SGK1: variants seen among roughly 807,000 people sequenced by gnomAD.
SGK1 encodes the protein serum/glucocorticoid regulated kinase 1.
Under a neutral mutation model 64.2 loss-of-function variants are expected in SGK1, and 26 were observed. The observed-to-expected ratio is 0.40, with a 90% CI of 0.30 to 0.56. The LOEUF (loss-of-function observed/expected upper bound fraction) is 0.56. Ranked by LOEUF, SGK1 falls within the 20% of genes least tolerant of loss-of-function variation. SGK1 has a pLI of 0.38. For synonymous variants in SGK1, 265 were observed against 239.7 expected (o/e 1.11, Z -0.98); for missense variants, 519 against 645.6 (o/e 0.80, Z 2.12).
intron 3 of SGK1, chr6:134,178,037 C>T (rs1029349486): frequency 1.8e-5 from 10 of 552,942 alleles, no homozygotes; most frequent in Non-Finnish European, 3.2e-5. Flanking sequence ...ACTGATTATC[C>T]TCACAAATCA....
intron 3 of SGK1, among the ~76,000 whole-genome samples, chr6:134,189,328 C>T (rs561201693): frequency 6.6e-6 from 1 of 151,748 alleles, no homozygotes; most frequent in Admixed American, 6.6e-5. Context: ...ACAGAAGATA[C>T]AAATGGAATC....
intron 2 of SGK1, among the ~76,000 whole-genome samples, chr6:134,213,724 G>T (rs1037384925): frequency 6.6e-6 from 1 of 152,098 alleles, no homozygotes; most frequent in African/African-American, 2.4e-5. Context: ...AGCGCCTGGA[G>T]TTTGGCTCCT....
chr6:134,182,494 TAA>T (rs755543891), intron 3 of SGK1, among the ~76,000 whole-genome samples: 16 of 136,654 alleles, frequency 1.2e-4, no homozygotes, highest in Admixed American at 3.0e-4. Context: ...AGACTCCGTC[TAA>T]AAAAAAAAAA....
In SGK1 at chr6:134,170,399, A is replaced by G; in HGVS notation, c.1450T>C (p.Phe484Leu). ...PNDLRHFDPEFTEEPVPNSIG... is the reference protein window; with the variant it reads ...PNDLRHFDPELTEEPVPNSIG... ...GAGTTGGGGACAGGCTCTTCGGTAA[A>G]CTCGGGGTCAAAGTGCCGTAGGTCG... The change falls in exon 14 of 14, where the codon TTT (phenylalanine) becomes CTT (leucine). Residue 484 changes from phenylalanine (F) to leucine (L), a missense_variant. This residue lies in a region of SGK1 where 278 missense variants were observed against 408.7 expected (regional missense o/e 0.68). Coordinates refer to ENST00000367858, the MANE Select transcript of SGK1 (RefSeq NM_001143676.3). The G allele has an allele frequency of 6.2e-7, 1 of 1,613,756 alleles. No individual in the cohort carries two copies. The highest frequency in any genetic ancestry group is 8.5e-7 in the Non-Finnish European group (1 of 1,179,796).
intron 13 of SGK1, 68 bp downstream of exon 13, chr6:134,170,758 A>G: frequency 1.9e-6 from 2 of 1,053,088 alleles, no homozygotes; most frequent in South Asian, 2.8e-5. Context: ...ACCCTCCCCC[A>G]GACAATTCTG....
intron 1 of SGK1, among the ~76,000 whole-genome samples, chr6:134,289,138 A>C (rs1167518732): frequency 1.3e-5 from 2 of 152,206 alleles, no homozygotes; most frequent in African/African-American, 4.8e-5. Context: ...TGTGTCCTCC[A>C]TGACCACACC....
At chr6:134,206,642 A>C (rs1325352475) in intron 3 of SGK1, among the ~76,000 whole-genome samples, 2 of 151,058 alleles carry the variant, frequency 1.3e-5, no homozygotes, top group Non-Finnish European at 2.9e-5. Flanking sequence ...CGAGCTCAGC[A>C]GATTGCCTGA....
At chr6:134,222,634 C>A (rs1776108347) in intron 2 of SGK1, among the ~76,000 whole-genome samples, 1 of 152,136 alleles carries the variant, frequency 6.6e-6, no homozygotes, top group African/African-American at 2.4e-5. Flanking sequence ...CCACACCTGG[C>A]TTTAGAAAAA....
chr6:134,208,979 G>T (rs1357390973), intron 2 of SGK1, among the ~76,000 whole-genome samples: 2 of 151,656 alleles, frequency 1.3e-5, no homozygotes, highest in African/African-American at 4.8e-5. Context: ...GAATTGCTGG[G>T]TCAAATGGTA....
chr6:134,170,922 A>T lies in SGK1; in HGVS notation c.1324-7T>A. The T allele has an allele frequency of 6.2e-7, 1 of 1,609,716 alleles. No homozygotes were observed. Among genetic ancestry groups the T allele is most frequent in the Non-Finnish European group, 8.5e-7 (1 of 1,176,134 alleles). On this transcript the variant is annotated splice_region_variant and splice_polypyrimidine_tract_variant and intron_variant, in intron 12 of 13. Coordinates refer to ENST00000367858, the MANE Select transcript of SGK1 (RefSeq NM_001143676.3). ...CATGACTCTTAATCTCCATCTGTTG[A>T]TAAGAAACCCAAGATTAATTTAGAC... is the stretch of plus-strand genomic sequence containing the variant.
intron 2 of SGK1, among the ~76,000 whole-genome samples, chr6:134,245,977 T>C (rs986122479): frequency 6.6e-6 from 1 of 152,242 alleles, no homozygotes; most frequent in Non-Finnish European, 1.5e-5. Flanking sequence ...CTTCCTTTTT[T>C]ACTTCTTTTT....
intron 1 of SGK1, among the ~76,000 whole-genome samples, chr6:134,303,692 G>C (rs1050157024): frequency 1.3e-5 from 2 of 151,684 alleles, no homozygotes; most frequent in Non-Finnish European, 2.9e-5. Flanking sequence ...GCTGAGGTGG[G>C]ACCATGACTT....
chr6:134,308,128 C>T (rs1056810480), intron 1 of SGK1, among the ~76,000 whole-genome samples: 1 of 152,134 alleles, frequency 6.6e-6, no homozygotes, highest in African/African-American at 2.4e-5. Flanking sequence ...ATGTACTCAT[C>T]GTTTTTTTCC....
chr6:134,286,214 G>C (rs1176147742), intron 1 of SGK1, among the ~76,000 whole-genome samples: 4 of 152,198 alleles, frequency 2.6e-5, no homozygotes, highest in Admixed American at 6.5e-5. Flanking sequence ...ATTATATTAA[G>C]GTTTGAACGT....
At position 134,244,573 on chromosome 6, in the gene SGK1, C is replaced by T. The variant is rs188369760; in HGVS notation, c.285+17360G>A. 4.7e-3 allele frequency among the ~76,000 whole-genome samples: 717 copies of T among 152,230 alleles called. 2 individuals are homozygous for T. Among genetic ancestry groups the T allele is most frequent in the Admixed American group, 9.7e-3 (148 of 15,284 alleles). On this transcript the variant is annotated intron_variant, in intron 2 of 13. Coordinates refer to ENST00000367858, the MANE Select transcript of SGK1 (RefSeq NM_001143676.3). ...TTCCCTTGGCTACGGGAGAGAGTTC[C>T]CCGACCCCCTTGCACTTCCCGGGTA...
At chr6:134,235,231 A>T (rs1440606459) in intron 2 of SGK1, among the ~76,000 whole-genome samples, 1 of 152,174 alleles carries the variant, frequency 6.6e-6, no homozygotes, top group Non-Finnish European at 1.5e-5. Flanking sequence ...GAATAATAAG[A>T]TAGCAGCTTC....
At chr6:134,231,769 G>C (rs978615292) in intron 2 of SGK1, among the ~76,000 whole-genome samples, 13 of 152,156 alleles carry the variant, frequency 8.5e-5, no homozygotes, top group Non-Finnish European at 1.5e-4. Context: ...GCCAGGTGTG[G>C]TGGCTCACAC....
chr6:134,212,072 G>GA (rs1775900115), intron 2 of SGK1, among the ~76,000 whole-genome samples: 12 of 150,058 alleles, frequency 8.0e-5, no homozygotes, highest in African/African-American at 2.7e-4. Context: ...TTTTTTGGGG[G>GA]GGACGGAGTC....
Position 134,173,504 on chromosome 6 carries a change from G to T in SGK1, c.576C>A (p.Asp192Glu). The T allele has an allele frequency of 1.2e-6, 2 of 1,613,304 alleles. No homozygotes were observed. The change falls in exon 6 of 14, where the codon GAC becomes GAA. Residue 192 changes from aspartate to glutamate, a missense_variant. This residue lies in a region of SGK1 where 241 missense variants were observed against 236.9 expected (regional missense o/e 1.02). Coordinates refer to ENST00000367858, the MANE Select transcript of SGK1 (RefSeq NM_001143676.3). ...TTCCGATCACTTTCAAGAAGTGAAAGTCAGATGGTTTAGCATGAGGATTGG... is the reference window on the plus strand; with the variant it reads ...TTCCGATCACTTTCAAGAAGTGAAATTCAGATGGTTTAGCATGAGGATTGG... ...PSSNPHAKPS[D>E]FHFLKVIGKG...
Sources: allele counts gnomAD v4.1 joint callset (sites outside exome capture counted in the v4.1 genomes callset), GRCh38; gene constraint gnomAD v4.1.1; regional missense constraint gnomAD v4.1.1; transcripts MANE v1.5; gene names NCBI Gene and HGNC (gene_info 2026-07-23, HGNC 2026-07-21).